CCDC181: variants seen among roughly 807,000 people sequenced by gnomAD.
CCDC181 encodes the protein coiled-coil domain containing 181, also known as coiled-coil domain-containing protein 181.
CCDC181 carries 35 observed loss-of-function variants against 58.7 expected under a neutral mutation model. The ratio of observed to expected loss-of-function variants is 0.60; its 90% CI spans 0.46 to 0.79. The LOEUF is 0.79. CCDC181 is among the 30% of genes least tolerant of loss of function. The pLI is 0.00. For missense variants in CCDC181, 517 were observed against 583.9 expected (o/e 0.89, Z 1.18); for synonymous variants, 183 against 197.5 (o/e 0.93, Z 0.62).
At chr1:169,431,877 T>C (rs10919169), upstream of CCDC181, among the ~76,000 whole-genome samples, 12,853 of 152,270 alleles carry the variant, frequency 0.084, 737 homozygotes, top group Admixed American at 0.19. Flanking sequence ...TCCCCCACCA[T>C]TGTAAGCTTT....
At chr1:169,452,478 G>A (rs1437919986) in intron 2 of CCDC181, 3 of 152,072 alleles carry the variant, frequency 2.0e-5, no homozygotes, top group Non-Finnish European at 4.4e-5. Context: ...AAATGGGGCA[G>A]GAGGTAGAAT....
chr1:169,408,402 G>A (rs1341417336), intron 4 of CCDC181, among the ~76,000 whole-genome samples: 1 of 152,206 alleles, frequency 6.6e-6, no homozygotes, highest in Non-Finnish European at 1.5e-5. Context: ...CCAGTCAGGG[G>A]CTTATAGATA....
intron 4 of CCDC181, among the ~76,000 whole-genome samples, chr1:169,416,232 G>A (rs936394417): frequency 5.3e-5 from 8 of 152,144 alleles, no homozygotes; most frequent in Admixed American, 4.6e-4. Context: ...GGGGGTAGGG[G>A]GTTCTCCTTT....
At chr1:169,415,735 CA>C (rs1295741495) in intron 4 of CCDC181, among the ~76,000 whole-genome samples, 2 of 152,122 alleles carry the variant, frequency 1.3e-5, no homozygotes, top group African/African-American at 4.8e-5. Flanking sequence ...TATTCCTCTC[CA>C]TGCCAGTCCC....
intron 2 of CCDC181, among the ~76,000 whole-genome samples, chr1:169,444,407 A>G (rs964025083): frequency 2.6e-5 from 4 of 152,128 alleles, no homozygotes; most frequent in Non-Finnish European, 4.4e-5. Flanking sequence ...TGGCATTTTT[A>G]TTAGGGGTAG....
chr1:169,414,420 G>T (rs948769857), intron 4 of CCDC181, among the ~76,000 whole-genome samples: 2 of 152,156 alleles, frequency 1.3e-5, no homozygotes, highest in Non-Finnish European at 2.9e-5. Flanking sequence ...AATGGGGGAA[G>T]ACAATAAGCA....
intron 2 of CCDC181, chr1:169,452,765 A>G (rs1308333369): frequency 6.6e-6 from 1 of 152,090 alleles, no homozygotes; most frequent in Non-Finnish European, 1.5e-5. Flanking sequence ...TGAGAGTTAA[A>G]TTAGTAATAT....
intron 4 of CCDC181, among the ~76,000 whole-genome samples, chr1:169,398,935 C>CG (rs1655200250): frequency 6.6e-6 from 1 of 152,126 alleles, no homozygotes; most frequent in African/African-American, 2.4e-5. Context: ...TGGAGAAAAA[C>CG]AGTGGTAACA....
intron 2 of CCDC181, among the ~76,000 whole-genome samples, chr1:169,444,891 A>G (rs1657329909): frequency 6.6e-6 from 1 of 152,194 alleles, no homozygotes; most frequent in African/African-American, 2.4e-5. Context: ...GGTTCATGTC[A>G]GCAACCAGAA....
At chr1:169,402,681 A>G (rs867450800) in intron 4 of CCDC181, among the ~76,000 whole-genome samples, 40 of 152,320 alleles carry the variant, frequency 2.6e-4, no homozygotes, top group Middle Eastern at 6.8e-3. Flanking sequence ...AGGAACAACC[A>G]GTACCAGCCA....
At chr1:169,454,775 C>T (rs568350187) in intron 2 of CCDC181, among the ~76,000 whole-genome samples, 2 of 152,022 alleles carry the variant, frequency 1.3e-5, no homozygotes, top group Non-Finnish European at 2.9e-5. Context: ...CTACCTATTC[C>T]ATCTCCCTGT....
At chr1:169,406,467 A>G (rs991980507) in intron 4 of CCDC181, among the ~76,000 whole-genome samples, 9 of 152,250 alleles carry the variant, frequency 5.9e-5, no homozygotes. Context: ...CTATGCAGCC[A>G]TAAAAAAGGA....
rs1324428816 is a variant in CCDC181, at chr1:169,421,757, A to C, written c.674T>G (p.Phe225Cys). Reference protein sequence around the residue: ...RTILVERDGKFELLNLQDIAS... With the variant: ...RTILVERDGKCELLNLQDIAS... ...AATGTCTTGTAAATTCAGAAGTTCA[A>C]ATTTTCCATCTCTCTCTACCAGTAT... is the stretch of plus-strand genomic sequence containing the variant. Residue 225 changes from phenylalanine (F) to cysteine (C), a missense_variant, in exon 3 of 6, where the codon TTT (phenylalanine) becomes TGT (cysteine). Coordinates refer to ENST00000367806, the MANE Select transcript of CCDC181 (RefSeq NM_001300969.2). 6.2e-7 allele frequency: 1 copy of C among 1,614,080 alleles called. No individual in the cohort carries two copies. Among genetic ancestry groups the C allele is most frequent in the East Asian group, 2.2e-5 (1 of 44,882 alleles).
rs747743772 is a variant in CCDC181 at position 169,395,177 on chromosome 1, AT to A, written c.1399del (p.Met467TrpfsTer16). 6.2e-7 allele frequency: 1 copy of A among 1,611,960 alleles called. No homozygotes were observed. On this transcript the variant is annotated frameshift_variant, in exon 6 of 6. Coordinates refer to ENST00000367806, the MANE Select transcript of CCDC181 (RefSeq NM_001300969.2). LOFTEE classifies it high-confidence loss of function. ...QWLRRKRMEKMAEQQAVRERT... is the reference protein window; with the variant it reads ...QWLRRKRMEKXAEQQAVRERT... The stretch of plus-strand genomic sequence containing the variant: ...CTCTCTGACAGCTTGTTGCTCTGCC[AT>A]TTTTTCCATCCGTTTCCTTCTTAAC...
intron 2 of CCDC181, among the ~76,000 whole-genome samples, chr1:169,448,311 C>T (rs1246005416): frequency 6.6e-6 from 1 of 151,984 alleles, no homozygotes; most frequent in Non-Finnish European, 1.5e-5. Flanking sequence ...AGTTTCTGAC[C>T]TATGTCATTT....
intron 4 of CCDC181, among the ~76,000 whole-genome samples, chr1:169,401,537 A>G (rs1013966402): frequency 2.0e-5 from 3 of 152,226 alleles, no homozygotes; most frequent in African/African-American, 4.8e-5. Context: ...CAAGCAAACC[A>G]GGGTCTGGAG....
rs1172204269 is a variant in CCDC181 at position 169,422,211 on chromosome 1, C to T, written c.220G>A (p.Asp74Asn). ...RHSDPDKSLQ[D>N]EVSPRRNDII... ...TCATTTCTTCTTGGTGAGACCTCAT[C>T]CTGCAAAGATTTGTCAGGATCAGAA... Residue 74 changes from aspartate (D) to asparagine (N), a missense_variant, in exon 3 of 6, where the codon GAT (aspartate) becomes AAT (asparagine). Physicochemically the swap from Asp to Asn is conservative, Grantham distance 23. Transcript: ENST00000367806. 1.9e-6 allele frequency: 3 copies of T among 1,613,720 alleles called. No individual in the cohort carries two copies. Among genetic ancestry groups the T allele is most frequent in the Admixed American group, 1.7e-5 (1 of 59,932 alleles).
Position 169,419,048 on chromosome 1 carries a change from G to A in CCDC181, c.1180C>T (p.Gln394Ter). Reference protein sequence around the residue: ...REQVLEMRRIQRAKEIEDMNS... With the variant: ...REQVLEMRRI ...ATGTCTTCAATTTCCTTTGCTCGCT[G>A]AATTCTCCTCATTTCTAAGACCTGC... The change falls in exon 4 of 6, where the codon CAG becomes TAG. Residue 394 changes from glutamine (Q) to a stop codon, truncating the protein, a stop_gained. Coordinates refer to ENST00000367806, the MANE Select transcript of CCDC181 (RefSeq NM_001300969.2). LOFTEE classifies it high-confidence loss of function. The A allele has an allele frequency of 6.2e-7, 1 of 1,613,598 alleles. No homozygotes were observed.
chr1:169,421,280 G>C, intron 3 of CCDC181, 83 bp downstream of exon 3: 1 of 1,080,694 alleles, frequency 9.3e-7, no homozygotes, highest in South Asian at 1.6e-5. Context: ...CCAATGGTTT[G>C]AACAACTGTT....
Sources: allele counts gnomAD v4.1 joint callset (sites outside exome capture counted in the v4.1 genomes callset), GRCh38; gene constraint gnomAD v4.1.1; transcripts MANE v1.5; gene names NCBI Gene and HGNC (gene_info 2026-07-23, HGNC 2026-07-21).